The following RABEP1 variants were observed in gnomAD, a reference collection of about 807,000 sequenced individuals.
RABEP1 encodes the protein rab GTPase-binding effector protein 1.
A neutral mutation model predicts 123.4 loss-of-function variants in RABEP1; 51 were observed. The observed-to-expected ratio is 0.41, with a 90% CI of 0.33 to 0.52. The LOEUF (loss-of-function observed/expected upper bound fraction) is 0.52, where lower values mean the gene tolerates loss of function less well. Ranked by LOEUF, RABEP1 falls within the 20% of genes least tolerant of loss-of-function variation. The pLI is 0.16. For missense variants in RABEP1, 888 were observed against 996.3 expected (o/e 0.89, Z 1.46); for synonymous variants, 347 against 355.2 (o/e 0.98, Z 0.26).
Position 5,338,094 on chromosome 17 carries a change from C to G in RABEP1, c.604C>G (p.Leu202Val). The G allele has an allele frequency of 1.2e-6, 2 of 1,613,288 alleles. No individual in the cohort carries two copies. Among genetic ancestry groups the G allele is most frequent in the Non-Finnish European group, 1.7e-6 (2 of 1,179,374 alleles). ...EKEIAALKDK[L>V]TEAEDKIKEL... ...GGAAATTGCAGCTTTGAAGGATAAA[C>G]TGACAGAGGCTGAAGACAAAATTAA... The change falls in exon 5 of 18, where the codon CTG becomes GTG. Residue 202 changes from leucine (L) to valine (V), a missense_variant. Leu to Val is a conservative substitution (Grantham distance 32). Coordinates refer to ENST00000537505, the MANE Select transcript of RABEP1 (RefSeq NM_004703.6).
intron 1 of RABEP1, among the ~76,000 whole-genome samples, chr17:5,286,384 C>T (rs2074977955): frequency 6.6e-6 from 1 of 152,244 alleles, no homozygotes; most frequent in African/African-American, 2.4e-5. Context: ...GTCCCAGCTA[C>T]TCAGGAGGCT....
intron 4 of RABEP1, among the ~76,000 whole-genome samples, chr17:5,335,796 A>G (rs1027169855): frequency 1.3e-5 from 2 of 151,866 alleles, no homozygotes; most frequent in East Asian, 3.8e-4. Flanking sequence ...TAATAGCTTC[A>G]GGGGTACATG....
intron 6 of RABEP1, among the ~76,000 whole-genome samples, chr17:5,350,071 C>T (rs1347452316): frequency 6.6e-6 from 1 of 152,030 alleles, no homozygotes; most frequent in Admixed American, 6.6e-5. Context: ...GGGCTAGGAG[C>T]CCTGTGCTAA....
intron 5 of RABEP1, among the ~76,000 whole-genome samples, chr17:5,338,763 G>A (rs1029544014): frequency 6.6e-6 from 1 of 152,126 alleles, no homozygotes; most frequent in African/African-American, 2.4e-5. Context: ...GTTCGAAGTT[G>A]ACCTTGTTTT....
intron 2 of RABEP1, among the ~76,000 whole-genome samples, chr17:5,319,348 AAC>A (rs2075330407): frequency 8.1e-6 from 1 of 123,464 alleles, no homozygotes; most frequent in East Asian, 2.7e-4. Context: ...AAAACAAAAA[AAC>A]AAAAAAAAAA....
At chr17:5,336,445 A>G (rs1444426543) in intron 4 of RABEP1, 2 of 468,288 alleles carry the variant, frequency 4.3e-6, no homozygotes, top group Non-Finnish European at 8.5e-6. Flanking sequence ...TTGTATTCAG[A>G]TTGCATTAGT....
chr17:5,302,283 C>T (rs2144501976), intron 1 of RABEP1, among the ~76,000 whole-genome samples: 1 of 121,328 alleles, frequency 8.2e-6, no homozygotes, highest in South Asian at 2.7e-4. Flanking sequence ...CTCTGTTGCC[C>T]AGGCTGGAGG....
chr17:5,376,723 GCTA>G (rs1215355812), intron 13 of RABEP1, among the ~76,000 whole-genome samples: 1 of 152,124 alleles, frequency 6.6e-6, no homozygotes, highest in Non-Finnish European at 1.5e-5. Flanking sequence ...GTTCACACTT[GCTA>G]CTGAGTGTGA....
intron 2 of RABEP1, among the ~76,000 whole-genome samples, chr17:5,314,865 C>G (rs2075281213): frequency 6.6e-6 from 1 of 152,120 alleles, no homozygotes; most frequent in Non-Finnish European, 1.5e-5. Flanking sequence ...TTTTCTGATT[C>G]AGCTTTTCCT....
intron 8 of RABEP1, among the ~76,000 whole-genome samples, chr17:5,357,947 T>TG (rs1197673373): frequency 1.3e-5 from 2 of 152,206 alleles, no homozygotes; most frequent in East Asian, 3.9e-4. Flanking sequence ...CAGCAGCCTT[T>TG]GGGGTATAGG....
chr17:5,364,596 G>T (rs1047824384), intron 10 of RABEP1, among the ~76,000 whole-genome samples: 2 of 151,970 alleles, frequency 1.3e-5, no homozygotes, highest in African/African-American at 2.4e-5. Flanking sequence ...GCCAGGTGTG[G>T]TGGTGCATGC....
At chr17:5,290,863 G>C (rs1031952809) in intron 1 of RABEP1, among the ~76,000 whole-genome samples, 2 of 152,100 alleles carry the variant, frequency 1.3e-5, no homozygotes, top group Non-Finnish European at 2.9e-5. Context: ...ACAAAGTGCT[G>C]GGATTACAGG....
intron 2 of RABEP1, among the ~76,000 whole-genome samples, chr17:5,328,645 TAAAA>T (rs60062792): frequency 5.5e-5 from 3 of 54,120 alleles, no homozygotes; most frequent in South Asian, 1.0e-3. Flanking sequence ...GACGCTGTGT[TAAAA>T]AAAAAAAAAA....
At chr17:5,295,956 A>G (rs1249453258) in intron 1 of RABEP1, among the ~76,000 whole-genome samples, 1 of 152,208 alleles carries the variant, frequency 6.6e-6, no homozygotes, top group African/African-American at 2.4e-5. Flanking sequence ...CTTCAGGCAC[A>G]TGGATCATCC....
At chr17:5,354,308 C>A in intron 7 of RABEP1, 51 bp from the exon 8 acceptor site, 1 of 1,510,506 alleles carries the variant, frequency 6.6e-7, no homozygotes. Flanking sequence ...AACTGTGTCA[C>A]TTATTAAGTA....
intron 7 of RABEP1, among the ~76,000 whole-genome samples, chr17:5,352,968 C>T (rs1908689847): frequency 6.6e-6 from 1 of 152,180 alleles, no homozygotes; most frequent in African/African-American, 2.4e-5. Context: ...AAGTGGTTAT[C>T]AAAAACTCTC....
chr17:5,383,335 A>G lies in RABEP1; in HGVS notation c.*112A>G. On this transcript the variant is annotated 3_prime_UTR_variant, in exon 18 of 18. Coordinates refer to ENST00000537505, the MANE Select transcript of RABEP1 (RefSeq NM_004703.6). ...AGAAAGAGAAGTCACAACAAAAGGA[A>G]GACTGGAGAAATGCTTACTTCTAGA... 1 of 861,338 alleles carries G rather than the reference A, an allele frequency of 1.2e-6. No individual in the cohort carries two copies. Among genetic ancestry groups the G allele is most frequent in the Admixed American group, 2.2e-5 (1 of 45,860 alleles). 53.4% of individuals were successfully genotyped at this position (861,338 alleles called of 1,614,324 possible).
At chr17:5,356,089 T>G (rs1301309567) in intron 8 of RABEP1, among the ~76,000 whole-genome samples, 3 of 152,196 alleles carry the variant, frequency 2.0e-5, no homozygotes, top group Admixed American at 1.3e-4. Context: ...TGTTTTGCAG[T>G]TTGAATGTTG....
In RABEP1 at chr17:5,335,303, G is replaced by C. The variant is rs879586780; in HGVS notation, c.487G>C (p.Glu163Gln). 1.9e-6 allele frequency: 3 copies of C among 1,613,834 alleles called. No homozygotes were observed. The highest frequency in any genetic ancestry group is 1.3e-5 in the African/African-American group (1 of 75,030). The change falls in exon 4 of 18, where the codon GAA becomes CAA. Residue 163 changes from glutamate (E) to glutamine (Q), a missense_variant. By Grantham distance (29) the Glu-to-Gln change is conservative. Coordinates refer to ENST00000537505, the MANE Select transcript of RABEP1 (RefSeq NM_004703.6). ...EIADLRRRLSEGQEEENLENE... is the reference protein window; with the variant it reads ...EIADLRRRLSQGQEEENLENE... ...AGCTGATTTAAGAAGAAGGCTGTCTGAAGGTCAAGAGGAGGAAAATTTAGA... is the reference window on the plus strand; with the variant it reads ...AGCTGATTTAAGAAGAAGGCTGTCTCAAGGTCAAGAGGAGGAAAATTTAGA...
Sources: allele counts gnomAD v4.1 joint callset (sites outside exome capture counted in the v4.1 genomes callset), GRCh38; gene constraint gnomAD v4.1.1; transcripts MANE v1.5; gene names NCBI Gene and HGNC (gene_info 2026-07-23, HGNC 2026-07-21).